VEGFD: variants seen among roughly 807,000 people sequenced by gnomAD.
The protein encoded by VEGFD is vascular endothelial growth factor D.
In VEGFD, 26 loss-of-function variants were observed where a neutral mutation model predicts 28.0. That is an observed-to-expected ratio of 0.93 (90% CI 0.68 to 1.29). The LOEUF (loss-of-function observed/expected upper bound fraction) is 1.29. Among genes scored for constraint, VEGFD ranks in the 50% most tolerant of loss-of-function variants. The probability of loss-of-function intolerance (pLI) is 0.00; values close to 1 mark genes in which losing one functional copy is unlikely to be tolerated. For missense variants in VEGFD, 294 were observed against 273.4 expected (o/e 1.08, Z -0.53); for synonymous variants, 93 against 95.5 (o/e 0.97, Z 0.15).
Position 15,346,044 on chromosome X carries a change from T to C in VEGFD, c.*89A>G. 9.1e-7 allele frequency: 1 copy of C among 1,093,294 alleles called. No individual in the cohort carries two copies. The highest frequency in any genetic ancestry group is 2.7e-5 in the Admixed American group (1 of 37,075). The allele number at this position is 1,093,294 out of a possible 1,213,427, so 90.1% of individuals were successfully genotyped here. On this transcript the variant is annotated 3_prime_UTR_variant, in exon 7 of 7. Coordinates refer to ENST00000297904, the MANE Select transcript of VEGFD (RefSeq NM_004469.5). ...GGTGCTGTGTAAAATGGATTTTTTT[T>C]TTAACACCTGGGAAAAAAACAGTGA...
chrX:15,368,141 AAGG>A (rs1209742617), intron 1 of VEGFD, among the ~76,000 whole-genome samples: 30 of 109,747 alleles, frequency 2.7e-4, no homozygotes, highest in Admixed American at 1.4e-3. Flanking sequence ...GAAAGAAAGA[AAGG>A]AGAGAAAGAG....
chrX:15,365,225 C>G (rs1185876441), intron 1 of VEGFD, among the ~76,000 whole-genome samples: 1 of 111,555 alleles, frequency 9.0e-6, no homozygotes, highest in East Asian at 2.8e-4. Flanking sequence ...CTCAGCCTCC[C>G]AGGTTCAAGC....
chrX:15,375,724 C>T (rs917210800), intron 1 of VEGFD, among the ~76,000 whole-genome samples: 12 of 111,079 alleles, frequency 1.1e-4, no homozygotes, highest in African/African-American at 3.6e-4. Context: ...TGTGTGTGTG[C>T]GTGTGCATTT....
rs777822929 is a variant in VEGFD, at chrX:15,375,357, G to A, written c.90+8500C>T. ...TTACATTTTGATGTTTTGTTATTACGGTCTGACTTTAACTAGAACAGATGA... is the reference window on the plus strand; with the variant it reads ...TTACATTTTGATGTTTTGTTATTACAGTCTGACTTTAACTAGAACAGATGA... On this transcript the variant is annotated intron_variant, in intron 1 of 6. Transcript: ENST00000297904. Among the ~76,000 whole-genome samples, 6 of 112,067 alleles carry A rather than the reference G, an allele frequency of 5.4e-5. No individual in the cohort carries two copies. The South Asian group carries it at 2.2e-3, about 42-fold the overall frequency.
At chrX:15,355,001 A>G (rs1015657341) in intron 4 of VEGFD, 149 bp downstream of exon 4, 4 of 476,944 alleles carry the variant, frequency 8.4e-6, no homozygotes, top group Non-Finnish European at 1.3e-5. Context: ...TTTGCCAGTT[A>G]TTACCAGTAG....
intron 1 of VEGFD, among the ~76,000 whole-genome samples, chrX:15,364,914 A>T (rs968693960): frequency 8.9e-6 from 1 of 111,880 alleles, no homozygotes; most frequent in African/African-American, 3.3e-5. Context: ...AGGAGGAGAA[A>T]TTTTTTTTAG....
chrX:15,381,973 C>T (rs1488229702), intron 1 of VEGFD, among the ~76,000 whole-genome samples: 5 of 75,008 alleles, frequency 6.7e-5, no homozygotes, highest in Non-Finnish European at 7.5e-5. Context: ...TGCTTTCCTT[C>T]GTTACTCCAT....
At chrX:15,350,840 T>TC in intron 5 of VEGFD, among the ~76,000 whole-genome samples, 1 of 78,580 alleles carries the variant, frequency 1.3e-5, no homozygotes, top group Non-Finnish European at 2.5e-5. Context: ...TTTTCTTTTC[T>TC]TTTTCTCTTT....
At chrX:15,355,022 G>T (rs770548237) in intron 4 of VEGFD, 128 bp downstream of exon 4, 29 of 583,730 alleles carry the variant, frequency 5.0e-5, no homozygotes, top group Non-Finnish European at 7.3e-5. Context: ...GTTCAGGTTA[G>T]AAGCTAAAAT....
chrX:15,355,606 T>C (rs1281994930), intron 3 of VEGFD, among the ~76,000 whole-genome samples: 1 of 112,474 alleles, frequency 8.9e-6, no homozygotes, highest in Non-Finnish European at 1.9e-5. Flanking sequence ...AGGATTTTAT[T>C]AGAATAGATT....
chrX:15,384,131 G>A lies in VEGFD; in HGVS notation c.-185C>T. On this transcript the variant is annotated 5_prime_UTR_variant, in exon 1 of 7. Coordinates refer to ENST00000297904, the MANE Select transcript of VEGFD (RefSeq NM_004469.5). Reference sequence around the variant, plus strand: ...CAATTAGGCAAGGTACGCTTTTTTTGCACAATCTTAGGGGTGGGGAGAGAG... The same window carrying A: ...CAATTAGGCAAGGTACGCTTTTTTTACACAATCTTAGGGGTGGGGAGAGAG... 1 of 389,158 alleles carries A rather than the reference G, an allele frequency of 2.6e-6. No individual in the cohort carries two copies. The highest frequency in any genetic ancestry group is 4.5e-6 in the Non-Finnish European group (1 of 223,255). 32.1% of individuals were successfully genotyped at this position (389,158 alleles called of 1,213,427 possible). A position where few individuals can be genotyped will look rare whatever the true frequency, so the allele number is the denominator to read the frequency against.
rs1181237456 is a variant in VEGFD, at chrX:15,384,280, T to C, written c.-334A>G. 6.0e-6 allele frequency: 1 copy of C among 166,390 alleles called. No homozygotes were observed. Among genetic ancestry groups the C allele is most frequent in the East Asian group, 1.8e-4 (1 of 5,652 alleles). 13.7% of individuals were successfully genotyped at this position (166,390 alleles called of 1,213,427 possible). A position where few individuals can be genotyped will look rare whatever the true frequency, so the allele number is the denominator to read the frequency against. ...AAATTAAAAAAATCTCTCCAATGTA[T>C]GCCGCAGGTTCTAGTTGCTTTGTAA... On this transcript the variant is annotated 5_prime_UTR_variant, in exon 1 of 7. Coordinates refer to ENST00000297904, the MANE Select transcript of VEGFD (RefSeq NM_004469.5).
intron 5 of VEGFD, among the ~76,000 whole-genome samples, chrX:15,350,185 G>T (rs1375148644): frequency 9.0e-6 from 1 of 111,076 alleles, no homozygotes; most frequent in East Asian, 2.8e-4. Context: ...AGCCTGTCCA[G>T]CTTCTTCTCT....
chrX:15,347,406 A>T (rs1922582617), intron 5 of VEGFD, 47 bp from the exon 6 acceptor site: 1 of 1,006,512 alleles, frequency 9.9e-7, no homozygotes, highest in African/African-American at 1.9e-5. Flanking sequence ...TAGTGTGGCA[A>T]TTGGATCACC....
chrX:15,360,801 A>C (rs1485406976), intron 2 of VEGFD, among the ~76,000 whole-genome samples: 3 of 112,474 alleles, frequency 2.7e-5, no homozygotes, highest in African/African-American at 9.7e-5. Context: ...CAACCTATGA[A>C]AATATTCCCA....
chrX:15,376,698 C>T lies in VEGFD; in HGVS notation c.90+7159G>A, dbSNP rs1269534194. On this transcript the variant is annotated intron_variant, in intron 1 of 6. Coordinates refer to ENST00000297904, the MANE Select transcript of VEGFD (RefSeq NM_004469.5). ...TCCTCTTCCTTATCAACATCCTCTG[C>T]ACTCTCTAAGATGCCCAATCATCCC... Among the ~76,000 whole-genome samples the T allele has an allele frequency of 5.4e-5, 6 of 112,079 alleles. No individual in the cohort carries two copies. The East Asian group carries it at 1.7e-3, about 31-fold the overall frequency.
At chrX:15,349,392 G>C (rs1922632038) in intron 5 of VEGFD, among the ~76,000 whole-genome samples, 1 of 112,123 alleles carries the variant, frequency 8.9e-6, no homozygotes, top group African/African-American at 3.2e-5. Context: ...AAAACTGGAT[G>C]CAAGAGAACT....
chrX:15,362,331 T>C (rs1457785704), intron 2 of VEGFD, among the ~76,000 whole-genome samples: 4 of 111,752 alleles, frequency 3.6e-5, no homozygotes, highest in African/African-American at 1.3e-4. Flanking sequence ...CAACTCAGTG[T>C]CTAACTTTTA....
intron 1 of VEGFD, among the ~76,000 whole-genome samples, chrX:15,375,906 T>C (rs1923427573): frequency 9.0e-6 from 1 of 111,692 alleles, no homozygotes; most frequent in Non-Finnish European, 1.9e-5. Context: ...GTTTGAAATC[T>C]GTGCTCCACT....
Sources: allele counts gnomAD v4.1 joint callset (sites outside exome capture counted in the v4.1 genomes callset), GRCh38; gene constraint gnomAD v4.1.1; transcripts MANE v1.5; gene names NCBI Gene and HGNC (gene_info 2026-07-23, HGNC 2026-07-21).